The following TAFA2 variants were observed in gnomAD, a reference collection of about 807,000 sequenced individuals.
TAFA2 encodes TAFA chemokine like family member 2.
TAFA2 carries 7 observed loss-of-function variants against 18.8 expected under a neutral mutation model. The ratio of observed to expected loss-of-function variants is 0.37; its 90% CI spans 0.21 to 0.70. TAFA2 has a LOEUF of 0.70. Among genes scored for constraint, TAFA2 ranks in the 30% least tolerant of loss-of-function variants. The pLI is 0.53. For synonymous variants in TAFA2, 60 were observed against 54.2 expected (o/e 1.11, Z -0.47); for missense variants, 122 against 158.1 (o/e 0.77, Z 1.23).
chr12:62,048,918 A>C (rs773502325), intron 1 of TAFA2, among the ~76,000 whole-genome samples: 6 of 152,206 alleles, frequency 3.9e-5, no homozygotes, highest in Non-Finnish European at 8.8e-5. Context: ...AAGATTAAAC[A>C]ATTTAGACAA....
At position 62,159,207 on chromosome 12, in the gene TAFA2, C is replaced by CAT. The variant is rs556779831; in HGVS notation, c.-2+32050_-2+32051dup. Among the ~76,000 whole-genome samples the CAT allele has an allele frequency of 4.6e-5, 7 of 152,292 alleles. No homozygotes were observed. In the South Asian group the frequency reaches 1.4e-3, roughly 32 times the overall value. On this transcript the variant is annotated intron_variant, in intron 1 of 4. Transcript: ENST00000416284. ...AAGTTGTTTCCTTAAAGCATTGCCACATGCAGAGTCACTCGCCAAAAGGTG... is the reference window on the plus strand; with the variant it reads ...AAGTTGTTTCCTTAAAGCATTGCCACATATGCAGAGTCACTCGCCAAAAGGTG...
At chr12:61,979,308 G>T (rs1406492383) in intron 1 of TAFA2, among the ~76,000 whole-genome samples, 1 of 152,028 alleles carries the variant, frequency 6.6e-6, no homozygotes, top group Admixed American at 6.6e-5. Flanking sequence ...TTGCTGAATG[G>T]CAAAGTGAAT....
intron 1 of TAFA2, among the ~76,000 whole-genome samples, chr12:62,076,824 G>A (rs1414221425): frequency 6.6e-6 from 1 of 152,194 alleles, no homozygotes; most frequent in Non-Finnish European, 1.5e-5. Context: ...ATATTCAGAT[G>A]AGACAGCTTC....
intron 1 of TAFA2, among the ~76,000 whole-genome samples, chr12:61,875,050 C>A (rs1474372136): frequency 1.3e-5 from 2 of 152,056 alleles, no homozygotes; most frequent in African/African-American, 4.8e-5. Flanking sequence ...CAAATGTGAT[C>A]CTGGATTCCA....
At chr12:61,921,957 G>A (rs1338283817) in intron 1 of TAFA2, among the ~76,000 whole-genome samples, 1 of 152,136 alleles carries the variant, frequency 6.6e-6, no homozygotes, top group Non-Finnish European at 1.5e-5. Context: ...AAAGAAGTAT[G>A]TGATTAACTA....
chr12:61,953,953 T>C (rs1360604645), intron 1 of TAFA2, among the ~76,000 whole-genome samples: 2 of 152,236 alleles, frequency 1.3e-5, no homozygotes, highest in African/African-American at 4.8e-5. Context: ...ATTTTTTTCA[T>C]GTTTGCATTT....
At chr12:61,849,833 T>G (rs1202655933) in intron 2 of TAFA2, among the ~76,000 whole-genome samples, 1 of 152,152 alleles carries the variant, frequency 6.6e-6, no homozygotes, top group Non-Finnish European at 1.5e-5. Context: ...ACAAAATAAC[T>G]TTTCCCTCAA....
At chr12:62,010,474 C>A (rs893746351) in intron 1 of TAFA2, among the ~76,000 whole-genome samples, 6 of 152,174 alleles carry the variant, frequency 3.9e-5, no homozygotes, top group Admixed American at 2.0e-4. Flanking sequence ...GTTGCCCAGG[C>A]TGGAGTGCAG....
chr12:61,823,817 G>A (rs1016313568), intron 2 of TAFA2, among the ~76,000 whole-genome samples: 3 of 152,080 alleles, frequency 2.0e-5, no homozygotes, highest in African/African-American at 7.2e-5. Flanking sequence ...ACTCACACCA[G>A]AATCTGAGAT....
At chr12:62,202,340 T>C (rs1191129562) in intron 1 of TAFA2, among the ~76,000 whole-genome samples, 1 of 151,942 alleles carries the variant, frequency 6.6e-6, no homozygotes, top group Non-Finnish European at 1.5e-5. Context: ...ATTTGAGATC[T>C]TTCTAGTTTT....
At chr12:61,857,784 C>T (rs532771994) in intron 2 of TAFA2, among the ~76,000 whole-genome samples, 50 of 113,036 alleles carry the variant, frequency 4.4e-4, no homozygotes, top group Non-Finnish European at 7.0e-4. Flanking sequence ...TGCACCTCCT[C>T]TCTTTATATC....
intron 1 of TAFA2, among the ~76,000 whole-genome samples, chr12:62,160,483 A>G (rs2062399409): frequency 6.6e-6 from 1 of 152,168 alleles, no homozygotes; most frequent in Non-Finnish European, 1.5e-5. Context: ...TGACCTCTGC[A>G]TTTGTCTTTG....
At chr12:62,044,614 T>C (rs1262230144) in intron 1 of TAFA2, among the ~76,000 whole-genome samples, 1 of 152,120 alleles carries the variant, frequency 6.6e-6, no homozygotes, top group African/African-American at 2.4e-5. Flanking sequence ...GCTCTTTTTG[T>C]CCAGCTCCAC....
chr12:62,126,299 C>T (rs1250639746), intron 1 of TAFA2, among the ~76,000 whole-genome samples: 1 of 152,056 alleles, frequency 6.6e-6, no homozygotes, highest in Non-Finnish European at 1.5e-5. Context: ...ATACAATGTG[C>T]CAAGTGCATC....
At chr12:62,044,519 C>T (rs1347360921) in intron 1 of TAFA2, among the ~76,000 whole-genome samples, 1 of 152,124 alleles carries the variant, frequency 6.6e-6, no homozygotes, top group African/African-American at 2.4e-5. Flanking sequence ...CTGGCTTACA[C>T]CAGGCAGGTG....
intron 1 of TAFA2, among the ~76,000 whole-genome samples, chr12:62,024,995 C>A (rs574041724): frequency 6.6e-6 from 1 of 152,250 alleles, no homozygotes; most frequent in South Asian, 2.1e-4. Context: ...AACACACATA[C>A]ACTACTGGTG....
At chr12:61,991,952 G>A (rs1880025313) in intron 1 of TAFA2, among the ~76,000 whole-genome samples, 1 of 152,138 alleles carries the variant, frequency 6.6e-6, no homozygotes, top group African/African-American at 2.4e-5. Context: ...ACAGTTTTCA[G>A]TTCTTCTCCC....
intron 2 of TAFA2, among the ~76,000 whole-genome samples, chr12:61,828,229 T>A (rs1872594303): frequency 6.6e-6 from 1 of 151,866 alleles, no homozygotes; most frequent in Non-Finnish European, 1.5e-5. Flanking sequence ...ATTGAATACA[T>A]TTTTCTTTAA....
chr12:61,761,452 C>T (rs557431107), intron 2 of TAFA2, among the ~76,000 whole-genome samples: 1 of 151,960 alleles, frequency 6.6e-6, no homozygotes, highest in Non-Finnish European at 1.5e-5. Context: ...AAATTATTCA[C>T]CTTAAATAGT....
Sources: gnomAD v4.1 joint callset for allele counts (sites outside exome capture counted in the v4.1 genomes callset) on GRCh38, gnomAD v4.1.1 for gene constraint, MANE v1.5 for transcripts, NCBI Gene and HGNC (gene_info 2026-07-23, HGNC 2026-07-21) for gene names.